The following SAMD12 variants were observed in gnomAD, a reference collection of about 807,000 sequenced individuals.
SAMD12 encodes the protein sterile alpha motif domain-containing protein 12.
A neutral mutation model predicts 15.0 loss-of-function variants in SAMD12; 9 were observed. That is an observed-to-expected ratio of 0.60 (90% confidence interval 0.36 to 1.05). The LOEUF (loss-of-function observed/expected upper bound fraction) is 1.05. Among genes scored for constraint, SAMD12 ranks in the 50% least tolerant of loss-of-function variants. SAMD12 has a pLI of 0.01. For missense variants in SAMD12, 230 were observed against 234.2 expected (o/e 0.98, Z 0.12); for synonymous variants, 86 against 90.1 (o/e 0.96, Z 0.25).
intron 2 of SAMD12, among the ~76,000 whole-genome samples, chr8:118,512,991 G>A (rs1226826983): frequency 1.4e-5 from 2 of 147,928 alleles, no homozygotes; most frequent in African/African-American, 5.2e-5. Context: ...GTTACTTTTA[G>A]TATTACTGAA....
chr8:118,263,889 G>C (rs976742030), intron 4 of SAMD12, among the ~76,000 whole-genome samples: 15 of 152,040 alleles, frequency 9.9e-5, no homozygotes, highest in African/African-American at 3.4e-4. Context: ...TCCTTATAAA[G>C]CTTCCACAAA....
intron 3 of SAMD12, among the ~76,000 whole-genome samples, chr8:118,432,906 A>G (rs765960769): frequency 6.9e-4 from 105 of 152,308 alleles, no homozygotes; most frequent in Non-Finnish European, 1.4e-3. Context: ...CACTGCCGCC[A>G]TCACCACCAC....
downstream of SAMD12, chr8:118,375,750 T>C (rs1049910033): frequency 6.6e-6 from 1 of 152,156 alleles, no homozygotes; most frequent in Non-Finnish European, 1.5e-5. Context: ...CTCATACATT[T>C]CATCAAACAA....
rs371560734 is a variant in SAMD12, at chr8:118,418,596, G to C, written c.322+21236C>G. Among the ~76,000 whole-genome samples, 39 of 152,216 alleles carry C rather than the reference G, an allele frequency of 2.6e-4. No individual in the cohort carries two copies. The East Asian group carries it at 5.4e-3, about 21-fold the overall frequency. On this transcript the variant is annotated intron_variant, in intron 3 of 3. Coordinates refer to ENST00000314727, the MANE Select transcript of SAMD12 (RefSeq NM_207506.3). ...TAGCAGAGCGTGGTGGCGGGCGCCT[G>C]TGGTCCCAGCTACTCGGGAGGCTGA...
intron 2 of SAMD12, among the ~76,000 whole-genome samples, chr8:118,513,032 T>C (rs943050117): frequency 6.6e-6 from 1 of 152,150 alleles, no homozygotes; most frequent in East Asian, 1.9e-4. Context: ...CTTACAGTTA[T>C]GTCATATGTG....
rs189270634 is a variant in SAMD12, at chr8:118,221,320, T to C, written c.434-23588A>G. ...TACGTTAGTAGTGTGGAAAACGTGT[T>C]GGAAACCGTGAGGAATAATTAATCA... On this transcript the variant is annotated intron_variant, in intron 4 of 4. Transcript: ENST00000409003. Among the ~76,000 whole-genome samples the C allele has an allele frequency of 4.3e-3, 652 of 152,254 alleles. 4 individuals carry two copies. The highest frequency in any genetic ancestry group is 6.7e-3 in the Non-Finnish European group (458 of 68,008).
At chr8:118,490,114 G>C (rs1180861815) in intron 2 of SAMD12, among the ~76,000 whole-genome samples, 1 of 152,092 alleles carries the variant, frequency 6.6e-6, no homozygotes, top group African/African-American at 2.4e-5. Context: ...AAAAATAAGA[G>C]TCTGCTATTG....
rs372945098 is a variant in SAMD12, at chr8:118,363,802, G to T, written c.433+15758C>A. On this transcript the variant is annotated intron_variant, in intron 4 of 4. Coordinates refer to the SAMD12 transcript ENST00000409003. ...TAGCTGTGTGGCCTTGGCAGGCATT[G>T]TGGCTCTTTGGGCCTCCTTTTCTTT... Among the ~76,000 whole-genome samples the T allele has an allele frequency of 8.5e-5, 13 of 152,310 alleles. No individual in the cohort carries two copies. In the East Asian group the frequency reaches 1.2e-3, roughly 14 times the overall value.
At chr8:118,398,424 T>A (rs1410116624) in intron 3 of SAMD12, among the ~76,000 whole-genome samples, 2 of 151,840 alleles carry the variant, frequency 1.3e-5, no homozygotes, top group East Asian at 1.9e-4. Flanking sequence ...AAATAAAAAA[T>A]AAATAAATAA....
chr8:118,185,012 G>A (rs138629476), downstream of SAMD12, among the ~76,000 whole-genome samples: 232 of 150,928 alleles, frequency 1.5e-3, no homozygotes, highest in African/African-American at 5.4e-3. Flanking sequence ...ATCAATACCT[G>A]TTTGCGTTGA....
At chr8:118,207,045 G>T (rs1232139111) in intron 4 of SAMD12, among the ~76,000 whole-genome samples, 1 of 152,218 alleles carries the variant, frequency 6.6e-6, no homozygotes, top group African/African-American at 2.4e-5. Flanking sequence ...AGTATGGGCA[G>T]AATTTCCTGG....
At chr8:118,575,991 A>C (rs1827138123) in intron 2 of SAMD12, among the ~76,000 whole-genome samples, 2 of 150,596 alleles carry the variant, frequency 1.3e-5, no homozygotes, top group African/African-American at 5.0e-5. Flanking sequence ...GAGTATTTCG[A>C]CTTTTTTTTT....
intron 2 of SAMD12, among the ~76,000 whole-genome samples, chr8:118,464,722 C>CT (rs550206245): frequency 0.012 from 1,819 of 148,034 alleles, 33 homozygotes; most frequent in Non-Finnish European, 0.012. Context: ...AAATTCAACT[C>CT]TTTTTTTTTT....
At chr8:118,397,758 C>T (rs1343278843) in intron 3 of SAMD12, among the ~76,000 whole-genome samples, 1 of 151,074 alleles carries the variant, frequency 6.6e-6, no homozygotes, top group Non-Finnish European at 1.5e-5. Context: ...CAACTATTAT[C>T]CCCATTTTAA....
At chr8:118,479,909 T>C (rs1468073529) in intron 2 of SAMD12, among the ~76,000 whole-genome samples, 3 of 152,102 alleles carry the variant, frequency 2.0e-5, no homozygotes, top group African/African-American at 4.8e-5. Flanking sequence ...ATATTATCTC[T>C]TGAAAACAAG....
chr8:118,219,433 A>G (rs1042317872), intron 4 of SAMD12, among the ~76,000 whole-genome samples: 1 of 152,252 alleles, frequency 6.6e-6, no homozygotes, highest in African/African-American at 2.4e-5. Context: ...TACAAATCCT[A>G]AATTGAACAT....
intron 1 of SAMD12, among the ~76,000 whole-genome samples, chr8:118,600,430 G>T (rs771617146): frequency 8.5e-5 from 13 of 152,262 alleles, no homozygotes; most frequent in Non-Finnish European, 1.6e-4. Context: ...TTCTATAAAG[G>T]ATTAGATGGT....
chr8:118,226,558 C>T (rs1217352830), intron 4 of SAMD12, among the ~76,000 whole-genome samples: 3 of 152,198 alleles, frequency 2.0e-5, no homozygotes, highest in Non-Finnish European at 4.4e-5. Context: ...ATCCATCCAT[C>T]AATTTATCCA....
the SAMD12 span, among the ~76,000 whole-genome samples, chr8:118,149,494 A>G: frequency 2.6e-5 from 4 of 152,048 alleles, no homozygotes; most frequent in Non-Finnish European, 5.9e-5. Context: ...AATTTTGAGT[A>G]TTCTTTATGT....
Sources: allele counts gnomAD v4.1 joint callset (sites outside exome capture counted in the v4.1 genomes callset), GRCh38; gene constraint gnomAD v4.1.1; transcripts MANE v1.5; gene names NCBI Gene and HGNC (gene_info 2026-07-23, HGNC 2026-07-21).